DDX59: variants seen among roughly 807,000 people sequenced by gnomAD.
DDX59 encodes the protein probable ATP-dependent RNA helicase DDX59.
Under a neutral mutation model 51.9 loss-of-function variants are expected in DDX59, and 30 were observed. The ratio of observed to expected loss-of-function variants is 0.58; its 90% CI spans 0.43 to 0.78. The LOEUF is 0.78. Ranked by LOEUF, DDX59 falls within the 30% of genes least tolerant of loss-of-function variation. DDX59 has a pLI of 0.00. For missense variants in DDX59, 672 were observed against 730.8 expected (o/e 0.92, Z 0.93); for synonymous variants, 255 against 253.3 (o/e 1.01, Z -0.06).
intron 4 of DDX59, among the ~76,000 whole-genome samples, chr1:200,657,466 T>C (rs138459785): frequency 6.6e-6 from 1 of 150,980 alleles, no homozygotes; most frequent in African/African-American, 2.4e-5. Context: ...TAAGACATTT[T>C]TGGGCGGGTG....
rs543473648 is a variant in DDX59, at chr1:200,648,707, A to G, written c.1468-140T>C. On this transcript the variant is annotated intron_variant, in intron 6 of 7. Coordinates refer to ENST00000331314, the MANE Select transcript of DDX59 (RefSeq NM_001031725.6). Reference sequence around the variant, plus strand: ...TTTCAATAAGTAAAGGTCATAGTATACCTGAAAAATGTATGCAGCTAAAAT... The same window carrying G: ...TTTCAATAAGTAAAGGTCATAGTATGCCTGAAAAATGTATGCAGCTAAAAT... The G allele has an allele frequency of 4.0e-6, 4 of 998,524 alleles. No individual in the cohort carries two copies. The African/African-American group carries it at 6.5e-5, about 16-fold the overall frequency. The allele number at this position is 998,524 out of a possible 1,614,324, so 61.9% of individuals were successfully genotyped here.
chr1:200,663,565 G>A (rs1330399209), intron 3 of DDX59, among the ~76,000 whole-genome samples: 1 of 152,130 alleles, frequency 6.6e-6, no homozygotes, highest in African/African-American at 2.4e-5. Context: ...TTATTTATTA[G>A]CTATAGATCC....
intron 4 of DDX59, among the ~76,000 whole-genome samples, chr1:200,651,380 T>C (rs1019972911): frequency 4.6e-5 from 7 of 152,264 alleles, no homozygotes; most frequent in African/African-American, 1.7e-4. Flanking sequence ...GTGATTAAGT[T>C]ATGAAGGCTC....
chr1:200,655,229 A>T (rs2102879646), intron 4 of DDX59: 1 of 152,312 alleles, frequency 6.6e-6, no homozygotes, highest in South Asian at 2.1e-4. Flanking sequence ...TTAAAGGCAC[A>T]ACTATAATTG....
intron 4 of DDX59, 116 bp downstream of exon 4, chr1:200,658,911 C>T: frequency 1.2e-6 from 1 of 838,296 alleles, no homozygotes; most frequent in Non-Finnish European, 1.9e-6. Context: ...TTTAAAAGTC[C>T]CTGAGGTTTT....
At chr1:200,653,159 T>G (rs889388979) in intron 4 of DDX59, among the ~76,000 whole-genome samples, 3 of 152,228 alleles carry the variant, frequency 2.0e-5, no homozygotes, top group Non-Finnish European at 4.4e-5. Context: ...ATATCATGCA[T>G]GCATCAAAGA....
At chr1:200,666,772 T>C in intron 1 of DDX59, 21 bp from the exon 2 acceptor site, 1 of 1,571,276 alleles carries the variant, frequency 6.4e-7, no homozygotes, top group Non-Finnish European at 8.6e-7. Flanking sequence ...AATTATATAA[T>C]GAGATTTATT....
chr1:200,642,712 A>G (rs892425483), downstream of DDX59, among the ~76,000 whole-genome samples: 49 of 152,236 alleles, frequency 3.2e-4, 1 homozygote, highest in Non-Finnish European at 8.8e-5. Context: ...GGGCGCTGAT[A>G]GCCGGCTTCT....
intron 1 of DDX59, among the ~76,000 whole-genome samples, chr1:200,667,225 A>C (rs1462727137): frequency 6.6e-6 from 1 of 152,036 alleles, no homozygotes; most frequent in Middle Eastern, 3.2e-3. Flanking sequence ...CAATATGGTG[A>C]AACCCCCGTC....
At chr1:200,663,859 C>A in intron 3 of DDX59, 60 bp downstream of exon 3, 5 of 1,339,444 alleles carry the variant, frequency 3.7e-6, no homozygotes, top group East Asian at 2.8e-5. Context: ...GGAAAAAAAA[C>A]ACTAGTTCCT....
At chr1:200,657,115 T>A (rs1374214379) in intron 4 of DDX59, among the ~76,000 whole-genome samples, 1 of 152,044 alleles carries the variant, frequency 6.6e-6, no homozygotes, top group Non-Finnish European at 1.5e-5. Flanking sequence ...CCAGGCTTGG[T>A]GGCACATGCC....
At chr1:200,642,252 T>C (rs1186020583), downstream of DDX59, among the ~76,000 whole-genome samples, 3 of 152,266 alleles carry the variant, frequency 2.0e-5, no homozygotes, top group East Asian at 5.8e-4. Flanking sequence ...TTTTTTTAGC[T>C]AATTAAAAAT....
chr1:200,646,825 A>T (rs992913235), intron 7 of DDX59, among the ~76,000 whole-genome samples: 1 of 152,244 alleles, frequency 6.6e-6, no homozygotes, highest in African/African-American at 2.4e-5. Context: ...CCTGATTCAT[A>T]GGAGCCAAAA....
intron 7 of DDX59, among the ~76,000 whole-genome samples, chr1:200,647,291 T>C (rs1387147014): frequency 6.6e-6 from 1 of 152,094 alleles, no homozygotes; most frequent in East Asian, 1.9e-4. Flanking sequence ...TATTGTTACC[T>C]TTGGCAGCAA....
chr1:200,644,046 G>C lies in DDX59; in HGVS notation c.*208C>G. On this transcript the variant is annotated 3_prime_UTR_variant, in exon 8 of 8. Coordinates refer to ENST00000331314, the MANE Select transcript of DDX59 (RefSeq NM_001031725.6). ...GAAAAAAGAAACTTCATCCAGAAAA[G>C]AAAACACTGTCTTTTATTTAATAAT... 1 of 511,540 alleles carries C rather than the reference G, an allele frequency of 2.0e-6. No individual in the cohort carries two copies. The highest frequency in any genetic ancestry group is 2.6e-6 in the Non-Finnish European group (1 of 388,738). The allele number at this position is 511,540 out of a possible 1,614,324, so 31.7% of individuals were successfully genotyped here.
In DDX59 at chr1:200,648,439, C is replaced by G. The variant is rs1305976826; in HGVS notation, c.1596G>C (p.Gln532His). 6.2e-7 allele frequency: 1 copy of G among 1,613,804 alleles called. No individual in the cohort carries two copies. The highest frequency in any genetic ancestry group is 1.3e-5 in the African/African-American group (1 of 74,886). The change falls in exon 7 of 8, where the codon CAG (glutamine) becomes CAC (histidine). Residue 532 changes from glutamine (Q) to histidine (H), a missense_variant and splice_region_variant. Coordinates refer to ENST00000331314, the MANE Select transcript of DDX59 (RefSeq NM_001031725.6). ...MPSSMDEYVH[Q>H]IGRVGRLGQN... ...AGTGGTAACATATAAAGCTCCTTAC[C>G]TGATGGACATACTCATCCATACTTG...
At chr1:200,640,864 T>TTA (rs985357995), downstream of DDX59, 5 of 155,246 alleles carry the variant, frequency 3.2e-5, no homozygotes, top group African/African-American at 1.2e-4. Flanking sequence ...ATTACAAAAA[T>TTA]AAACACTCGT....
At chr1:200,664,306 T>C (rs1662573019) in intron 2 of DDX59, among the ~76,000 whole-genome samples, 1 of 152,098 alleles carries the variant, frequency 6.6e-6, no homozygotes, top group East Asian at 1.9e-4. Flanking sequence ...AAGATCAAAA[T>C]GGGGCTGGGG....
intron 1 of DDX59, among the ~76,000 whole-genome samples, chr1:200,667,532 C>A (rs942393788): frequency 6.6e-6 from 1 of 152,220 alleles, no homozygotes; most frequent in Non-Finnish European, 1.5e-5. Context: ...ACACTGCACA[C>A]TGCTCAACAT....
Sources: allele counts gnomAD v4.1 joint callset (sites outside exome capture counted in the v4.1 genomes callset), GRCh38; gene constraint gnomAD v4.1.1; transcripts MANE v1.5; gene names NCBI Gene and HGNC (gene_info 2026-07-23, HGNC 2026-07-21).